The following SVEP1 variants were observed in gnomAD, a reference collection of about 807,000 sequenced individuals.
The protein encoded by SVEP1 is sushi, von Willebrand factor type A, EGF and pentraxin domain-containing protein 1.
In SVEP1, 164 loss-of-function variants were observed where a neutral mutation model predicts 367.3. The ratio of observed to expected loss-of-function variants is 0.45; its 90% CI spans 0.39 to 0.51. The LOEUF (loss-of-function observed/expected upper bound fraction) is 0.51. Among genes scored for constraint, SVEP1 ranks in the 20% least tolerant of loss-of-function variants. SVEP1 has a pLI of 0.00. For missense variants in SVEP1, 4,117 were observed against 4,425.3 expected (o/e 0.93, Z 1.98); for synonymous variants, 1,666 against 1,611.6 (o/e 1.03, Z -0.81).
At position 110,489,698 on chromosome 9, in the gene SVEP1, CA is replaced by C; in HGVS notation, c.1881del (p.Asp628ThrfsTer23). 6.2e-7 allele frequency: 1 copy of C among 1,613,540 alleles called. No homozygotes were observed. The highest frequency in any genetic ancestry group is 8.5e-7 in the Non-Finnish European group (1 of 1,179,604). ...IGDVAIVYTATDLSGNQASCI... is the reference protein window; with the variant it reads ...IGDVAIVYTAXDLSGNQASCI... ...CAGCTGGCCTGGTTGCCGGATAGGT[CA>C]GTTGCCGTGTATACGATAGCAACAT... is the stretch of plus-strand genomic sequence containing the variant. On this transcript the variant is annotated frameshift_variant, in exon 9 of 48. Transcript: ENST00000374469. LOFTEE classifies it high-confidence loss of function.
At chr9:110,431,053 C>T (rs1828342987) in intron 32 of SVEP1, among the ~76,000 whole-genome samples, 2 of 152,108 alleles carry the variant, frequency 1.3e-5, no homozygotes, top group South Asian at 2.1e-4. Flanking sequence ...TTTCAAAGGC[C>T]ATTTGAGCTA....
rs2118565602 is a variant in SVEP1 at position 110,434,668 on chromosome 9, A to AAAAAAAAAAT, written c.4889-163_4889-162insATTTTTTTTT. ...AGATCACTGGCAAGCAAAATCACTAAAAAAAAAAAAAAAAAAAAGCATTTA... is the reference window on the plus strand; with the variant it reads ...AGATCACTGGCAAGCAAAATCACTAAAAAAAAAAATAAAAAAAAAAAAAAAAAAGCATTTA... On this transcript the variant is annotated intron_variant, in intron 29 of 47. Transcript: ENST00000374469. Among the ~76,000 whole-genome samples the AAAAAAAAAAT allele has an allele frequency of 1.4e-5, 2 of 145,664 alleles. 1 individual carries two copies. The highest frequency in any genetic ancestry group is 4.4e-4 in the South Asian group (2 of 4,548).
intron 40 of SVEP1, among the ~76,000 whole-genome samples, chr9:110,390,277 A>ATATAAGTATGTG (rs1564127463): frequency 8.1e-5 from 6 of 73,814 alleles, no homozygotes; most frequent in Admixed American, 1.5e-4. Flanking sequence ...ATATATACTT[A>ATATAAGTATGTG]TATATATACA....
intron 40 of SVEP1, 70 bp from the exon 41 acceptor site, chr9:110,389,657 G>A (rs1827594992): frequency 6.4e-7 from 1 of 1,569,996 alleles, no homozygotes; most frequent in Non-Finnish European, 8.7e-7. Context: ...GAAATGCAAA[G>A]TAATCTTAGC....
chr9:110,369,312 TAAG>T (rs1313826409), intron 47 of SVEP1, among the ~76,000 whole-genome samples: 2 of 152,170 alleles, frequency 1.3e-5, no homozygotes, highest in African/African-American at 2.4e-5. Flanking sequence ...TGGTCAGAAA[TAAG>T]AAACCGATGA....
chr9:110,387,479 C>T (rs749264743), intron 41 of SVEP1, 21 bp from the exon 42 acceptor site: 2 of 1,574,014 alleles, frequency 1.3e-6, no homozygotes, highest in African/African-American at 2.7e-5. Flanking sequence ...GAATAAAAGC[C>T]TCATATTAAT....
chr9:110,432,699 T>G, intron 30 of SVEP1, 64 bp from the exon 31 acceptor site: 1 of 1,517,410 alleles, frequency 6.6e-7, no homozygotes, highest in Non-Finnish European at 8.9e-7. Flanking sequence ...ACACTTTATT[T>G]GTATTAAACT....
intron 1 of SVEP1, among the ~76,000 whole-genome samples, chr9:110,566,778 C>T (rs4978937): frequency 0.6 from 91,036 of 151,960 alleles, 28,050 homozygotes; most frequent in East Asian, 0.86. Context: ...GTTGTGACAG[C>T]GATATGGAGA....
chr9:110,528,296 T>A (rs2118809934), intron 3 of SVEP1, among the ~76,000 whole-genome samples: 1 of 151,062 alleles, frequency 6.6e-6, no homozygotes, highest in South Asian at 2.1e-4. Context: ...CTTCTTTATG[T>A]AATGGCTTTT....
chr9:110,404,414 A>G lies in SVEP1; in HGVS notation c.9579T>C (p.His3193=), dbSNP rs764619987. 55 of 1,613,864 alleles carry G rather than the reference A, an allele frequency of 3.4e-5. No individual in the cohort carries two copies. In the Admixed American group the frequency reaches 3.7e-4, roughly 11 times the overall value. ...LPENITHILV[H]GDDFSVNRQV... is the part of the protein sequence containing the mutation. ...GCCTATTCACACTGAAATCGTCCCC[A>G]TGTACAAGTATATGTGTTATGTTTT... is the stretch of plus-strand genomic sequence containing the variant. The change falls in exon 39 of 48, where the codon CAT becomes CAC. Residue 3193 remains histidine, a synonymous_variant. Transcript: ENST00000374469.
chr9:110,367,782 G>GT (rs1387942516), intron 47 of SVEP1, among the ~76,000 whole-genome samples: 2 of 152,086 alleles, frequency 1.3e-5, no homozygotes, highest in Non-Finnish European at 2.9e-5. Context: ...AAAAAATTCT[G>GT]TAAGAAATTT....
chr9:110,548,563 C>A (rs1311524097), intron 2 of SVEP1, among the ~76,000 whole-genome samples: 1 of 151,822 alleles, frequency 6.6e-6, no homozygotes, highest in African/African-American at 2.4e-5. Context: ...AACAAACAAA[C>A]AAAAAAACAG....
chr9:110,477,274 T>A (rs1290142743), intron 13 of SVEP1, among the ~76,000 whole-genome samples: 2 of 152,150 alleles, frequency 1.3e-5, no homozygotes, highest in African/African-American at 4.8e-5. Flanking sequence ...GCCACTCATG[T>A]CTTCATGTCC....
intron 32 of SVEP1, among the ~76,000 whole-genome samples, chr9:110,430,915 T>G (rs4978426): frequency 0.15 from 22,646 of 152,092 alleles, 2,217 homozygotes; most frequent in East Asian, 0.43. Context: ...ATCTACAGAT[T>G]CAGGGTCGGT....
At chr9:110,497,795 G>T (rs1359849173) in intron 7 of SVEP1, among the ~76,000 whole-genome samples, 1 of 152,138 alleles carries the variant, frequency 6.6e-6, no homozygotes, top group African/African-American at 2.4e-5. Flanking sequence ...TTTAATTTAT[G>T]TTAAATTAGG....
chr9:110,457,184 A>C, intron 21 of SVEP1, 72 bp downstream of exon 21: 1 of 1,253,426 alleles, frequency 8.0e-7, no homozygotes, highest in Non-Finnish European at 1.1e-6. Context: ...TAATGTACTA[A>C]AGTTTGATAC....
chr9:110,493,268 A>G (rs150142514), intron 8 of SVEP1, among the ~76,000 whole-genome samples: 268 of 152,204 alleles, frequency 1.8e-3, no homozygotes, highest in African/African-American at 6.2e-3. Flanking sequence ...TGGACTACAC[A>G]AGAGAGATAA....
Position 110,369,997 on chromosome 9 carries a change from G to T in SVEP1, c.10620C>A (p.Cys3540Ter). 6.2e-7 allele frequency: 1 copy of T among 1,613,018 alleles called. No homozygotes were observed. ...RCHTAVCQSP[C>*]LNGGKCVRPN... The stretch of plus-strand genomic sequence containing the variant: ...GTCTTACACATTTTCCACCATTTAA[G>T]CAGGGAGACTGGCAAACAGCTGGAA... Residue 3540 changes from cysteine (C) to a stop codon, truncating the protein, a stop_gained, in exon 47 of 48, where the codon TGC becomes TGA. Coordinates refer to ENST00000374469, the MANE Select transcript of SVEP1 (RefSeq NM_153366.4). LOFTEE classifies it high-confidence loss of function.
At chr9:110,479,560 G>T (rs1010626097) in intron 13 of SVEP1, 75 bp downstream of exon 13, 1 of 1,455,970 alleles carries the variant, frequency 6.9e-7, no homozygotes, top group Non-Finnish European at 9.1e-7. Context: ...ATGAGAAATC[G>T]CAGTTGTAAA....
Sources: allele counts gnomAD v4.1 joint callset (sites outside exome capture counted in the v4.1 genomes callset), GRCh38; gene constraint gnomAD v4.1.1; transcripts MANE v1.5; gene names NCBI Gene and HGNC (gene_info 2026-07-23, HGNC 2026-07-21).